Variants in HOMER1 observed in about 807,000 individuals in gnomAD.
HOMER1 encodes homer protein homolog 1.
A neutral mutation model predicts 48.9 loss-of-function variants in HOMER1; 3 were observed. The observed-to-expected ratio is 0.06, with a 90% CI of 0.03 to 0.16. The LOEUF (loss-of-function observed/expected upper bound fraction) is 0.16. Among genes scored for constraint, HOMER1 ranks in the 10% least tolerant of loss-of-function variants. The pLI, the probability that HOMER1 is intolerant of heterozygous loss-of-function variation, is 1.00. For missense variants in HOMER1, 247 were observed against 411.4 expected (o/e 0.60, Z 3.46); for synonymous variants, 134 against 146.4 (o/e 0.92, Z 0.61).
At chr5:79,510,044 C>T (rs909172571) in intron 1 of HOMER1, among the ~76,000 whole-genome samples, 7 of 152,150 alleles carry the variant, frequency 4.6e-5, no homozygotes, top group Non-Finnish European at 1.0e-4. Flanking sequence ...GCTAATTCCA[C>T]AAACATTTAT....
chr5:79,428,256 AC>A (rs1750324977), intron 5 of HOMER1, among the ~76,000 whole-genome samples: 1 of 152,224 alleles, frequency 6.6e-6, no homozygotes, highest in African/African-American at 2.4e-5. Context: ...ATAGAAAAAA[AC>A]AAACACTGAA....
In HOMER1 at chr5:79,383,593, C is replaced by T. The variant is rs376976622; in HGVS notation, c.877-7396G>A. 7.9e-5 allele frequency among the ~76,000 whole-genome samples: 12 copies of T among 152,108 alleles called. No individual in the cohort carries two copies. The East Asian group carries it at 1.5e-3, about 20-fold the overall frequency. On this transcript the variant is annotated intron_variant, in intron 8 of 8. Transcript: ENST00000334082. The stretch of plus-strand genomic sequence containing the variant: ...TAGAGACAGAGTTTCACCATGTTGG[C>T]CAGGCTGGTCTCGAACTCCTGACCT...
At position 79,375,825 on chromosome 5, in the gene HOMER1, ACAAGCTGGATT is replaced by A; in HGVS notation, c.*173_*183del. On this transcript the variant is annotated 3_prime_UTR_variant, in exon 9 of 9. Transcript: ENST00000334082. ...TTTCATCTTTTTTCCCCAACTAGCT[ACAAGCTGGATT>A]CTAAAATTTACAGTGAAATATACAA... is the stretch of plus-strand genomic sequence containing the variant. The A allele has an allele frequency of 2.5e-6, 1 of 405,676 alleles. No homozygotes were observed. The highest frequency in any genetic ancestry group is 4.3e-6 in the Non-Finnish European group (1 of 231,588). 25.1% of individuals were successfully genotyped at this position (405,676 alleles called of 1,614,324 possible).
At position 79,456,871 on chromosome 5, in the gene HOMER1, A is replaced by G; in HGVS notation, c.153T>C (p.Asp51=). The G allele has an allele frequency of 1.2e-6, 2 of 1,613,976 alleles. No homozygotes were observed. The highest frequency in any genetic ancestry group is 2.2e-5 in the East Asian group (1 of 44,872). ...AGTAAACGTAGCTTACCTTTGAGCC[A>G]TCTAAACTGATTATCCTATACACAT... is the stretch of plus-strand genomic sequence containing the variant. ...TRNVYRIISL[D]GSKAIINSTI... is the part of the protein sequence containing the mutation. The change falls in exon 2 of 9, where the codon GAT becomes GAC. Residue 51 remains aspartate, a synonymous_variant. Transcript: ENST00000334082.
intron 5 of HOMER1, among the ~76,000 whole-genome samples, chr5:79,408,181 C>T (rs1749716955): frequency 6.6e-6 from 1 of 152,112 alleles, no homozygotes; most frequent in Admixed American, 6.5e-5. Flanking sequence ...AATATATCCC[C>T]TGTGGTTAAG....
chr5:79,385,633 A>AAAGT (rs2112196800), intron 8 of HOMER1, among the ~76,000 whole-genome samples: 1 of 152,160 alleles, frequency 6.6e-6, no homozygotes, highest in South Asian at 2.1e-4. Flanking sequence ...CCTAAGGTCA[A>AAAGT]AAGTTCCAGA....
At chr5:79,510,526 T>C in intron 1 of HOMER1, 2 of 736,260 alleles carry the variant, frequency 2.7e-6, no homozygotes, top group Non-Finnish European at 5.0e-6. Context: ...GATACGAATC[T>C]CTTAAGGGGG....
chr5:79,445,944 T>C (rs1421456913), intron 4 of HOMER1, among the ~76,000 whole-genome samples: 1 of 152,170 alleles, frequency 6.6e-6, no homozygotes, highest in African/African-American at 2.4e-5. Flanking sequence ...TAAAAGTATG[T>C]AAAACAAACC....
In HOMER1 at chr5:79,512,863, T is replaced by C. The variant is rs375267881; in HGVS notation, c.-89A>G. 1.1e-5 allele frequency: 15 copies of C among 1,321,876 alleles called. No homozygotes were observed. The African/African-American group carries it at 2.0e-4, about 18-fold the overall frequency. 81.9% of individuals were successfully genotyped at this position (1,321,876 alleles called of 1,614,324 possible). The stretch of plus-strand genomic sequence containing the variant: ...ATTTCTCCGTCTGCTATTTCGCAGT[T>C]GCTTTTCCACCCCCACCCCCAGATC... On this transcript the variant is annotated 5_prime_UTR_variant, in exon 1 of 9. Transcript: ENST00000334082.
At chr5:79,484,923 C>T (rs1297589014) in intron 1 of HOMER1, among the ~76,000 whole-genome samples, 4 of 152,054 alleles carry the variant, frequency 2.6e-5, no homozygotes, top group African/African-American at 4.8e-5. Flanking sequence ...CATCATTGCT[C>T]AAGGTTTTGA....
At chr5:79,474,764 C>A (rs1013395939) in intron 1 of HOMER1, among the ~76,000 whole-genome samples, 2 of 152,030 alleles carry the variant, frequency 1.3e-5, no homozygotes, top group African/African-American at 4.8e-5. Context: ...ATTAAAAATT[C>A]TCTGCAGAAA....
intron 1 of HOMER1, among the ~76,000 whole-genome samples, chr5:79,503,849 G>T (rs1034940052): frequency 3.9e-5 from 6 of 152,198 alleles, no homozygotes; most frequent in African/African-American, 1.2e-4. Context: ...GGCTGAGGAG[G>T]AAGAGGAGGA....
chr5:79,386,600 A>T (rs1319530056), intron 8 of HOMER1, among the ~76,000 whole-genome samples: 1 of 152,216 alleles, frequency 6.6e-6, no homozygotes, highest in Non-Finnish European at 1.5e-5. Flanking sequence ...TGTGTATTTC[A>T]AAGTAGTTAT....
intron 1 of HOMER1, among the ~76,000 whole-genome samples, chr5:79,490,278 CTTTTA>C (rs995940633): frequency 2.6e-5 from 4 of 152,118 alleles, no homozygotes; most frequent in East Asian, 3.8e-4. Flanking sequence ...ATATGAGCTT[CTTTTA>C]TTTATTTTTT....
At chr5:79,415,714 T>C (rs186569315) in intron 5 of HOMER1, among the ~76,000 whole-genome samples, 34 of 152,326 alleles carry the variant, frequency 2.2e-4, no homozygotes, top group Admixed American at 8.5e-4. Flanking sequence ...TGAAACAAAT[T>C]ACTTCAAAAT....
Position 79,375,930 on chromosome 5 carries a change from T to C in HOMER1, c.*79A>G, listed in dbSNP as rs1748760879. On this transcript the variant is annotated 3_prime_UTR_variant, in exon 9 of 9. Coordinates refer to ENST00000334082, the MANE Select transcript of HOMER1 (RefSeq NM_004272.5). ...TTTTTTTTTTTTTTTTTTTGTGCAA[T>C]CTTGATGCAGAGCCTAAACAGTCCT... 3 of 478,856 alleles carry C rather than the reference T, an allele frequency of 6.3e-6. No individual in the cohort carries two copies. In the South Asian group the frequency reaches 2.3e-4, roughly 36 times the overall value. 29.7% of individuals were successfully genotyped at this position (478,856 alleles called of 1,614,324 possible).
intron 1 of HOMER1, among the ~76,000 whole-genome samples, chr5:79,495,671 G>A (rs1416124004): frequency 6.6e-6 from 1 of 152,168 alleles, no homozygotes; most frequent in Non-Finnish European, 1.5e-5. Flanking sequence ...CTGAGTCAGT[G>A]CTCTGTTTTC....
intron 5 of HOMER1, among the ~76,000 whole-genome samples, chr5:79,437,147 T>C (rs1181671763): frequency 3.3e-5 from 5 of 152,178 alleles, no homozygotes; most frequent in Admixed American, 2.6e-4. Context: ...AACAAAATCG[T>C]AGACATTTAG....
chr5:79,483,983 T>C lies in HOMER1; in HGVS notation c.6-26965A>G, dbSNP rs562775945. On this transcript the variant is annotated intron_variant, in intron 1 of 8. Transcript: ENST00000334082. ...GTTGCTTGAACCTGGGAGGCAGAGG[T>C]TGCAATGAGCCAAGATCATGCCACT... Among the ~76,000 whole-genome samples, 183 of 145,808 alleles carry C rather than the reference T, an allele frequency of 1.3e-3. 1 individual carries two copies. In the Middle Eastern group the frequency reaches 0.014, roughly 11 times the overall value.
Sources: allele counts gnomAD v4.1 joint callset (sites outside exome capture counted in the v4.1 genomes callset), GRCh38; gene constraint gnomAD v4.1.1; transcripts MANE v1.5; gene names NCBI Gene and HGNC (gene_info 2026-07-23, HGNC 2026-07-21).